The following ROBO2 variants were observed in gnomAD, a reference collection of about 807,000 sequenced individuals.
The protein encoded by ROBO2 is roundabout homolog 2.
ROBO2 carries 53 observed loss-of-function variants against 160.8 expected under a neutral mutation model. The ratio of observed to expected loss-of-function variants is 0.33; its 90% confidence interval spans 0.26 to 0.41. The LOEUF is 0.41. ROBO2 is among the 10% of genes least tolerant of loss of function. ROBO2 has a pLI of 1.00. For missense variants in ROBO2, 1,577 were observed against 1,722.4 expected, an observed-to-expected ratio of 0.92 and a Z score of 1.49; for synonymous variants, 664 against 611.7, an observed-to-expected ratio of 1.09 and a Z score of -1.26.
intron 6 of ROBO2, among the ~76,000 whole-genome samples, chr3:77,536,533 G>T (rs560920000): frequency 1.3e-5 from 2 of 151,694 alleles, no homozygotes; most frequent in Admixed American, 1.3e-4. Context: ...CTTTTGCTTA[G>T]TATGTATTGT....
chr3:76,655,684 G>T (rs1575750906), intron 2 of ROBO2, among the ~76,000 whole-genome samples: 1 of 147,086 alleles, frequency 6.8e-6, no homozygotes, highest in Non-Finnish European at 1.5e-5. Flanking sequence ...AAAGAGAGGG[G>T]CAGGTAGGCA....
intron 2 of ROBO2, among the ~76,000 whole-genome samples, chr3:76,212,527 GT>G: frequency 6.6e-6 from 1 of 151,876 alleles, no homozygotes; most frequent in Non-Finnish European, 1.5e-5. Context: ...TAGATTTTTT[GT>G]TTTTTATCTT....
intron 2 of ROBO2, among the ~76,000 whole-genome samples, chr3:77,298,414 G>C (rs1184356558): frequency 6.6e-6 from 1 of 152,108 alleles, no homozygotes. Flanking sequence ...TGAGAAAATT[G>C]AAGTGAAATG....
chr3:77,286,160 G>A (rs2060579438), intron 2 of ROBO2, among the ~76,000 whole-genome samples: 2 of 151,580 alleles, frequency 1.3e-5, no homozygotes, highest in Admixed American at 6.6e-5. Context: ...ATTTCCATAA[G>A]TGAATCATGT....
intron 2 of ROBO2, among the ~76,000 whole-genome samples, chr3:76,452,344 T>G (rs944353477): frequency 2.6e-5 from 4 of 151,968 alleles, no homozygotes; most frequent in African/African-American, 9.6e-5. Flanking sequence ...CACACAACAG[T>G]CCCCAGAGTG....
intron 2 of ROBO2, among the ~76,000 whole-genome samples, chr3:76,241,133 T>G (rs1160562398): frequency 6.6e-6 from 1 of 152,210 alleles, no homozygotes; most frequent in Non-Finnish European, 1.5e-5. Flanking sequence ...GTAGCGTGGT[T>G]ATCTGTGATA....
chr3:76,455,559 C>G (rs893162918), intron 2 of ROBO2, among the ~76,000 whole-genome samples: 5 of 151,986 alleles, frequency 3.3e-5, no homozygotes, highest in African/African-American at 1.2e-4. Flanking sequence ...ATATATTTGC[C>G]TATAGATTTA....
intron 2 of ROBO2, among the ~76,000 whole-genome samples, chr3:76,626,779 G>A (rs1311177203): frequency 2.6e-5 from 4 of 151,702 alleles, no homozygotes; most frequent in African/African-American, 7.3e-5. Flanking sequence ...TGCAAGTTCC[G>A]CCTCCCGGGT....
intron 2 of ROBO2, among the ~76,000 whole-genome samples, chr3:76,745,236 A>C (rs1033490917): frequency 6.6e-6 from 1 of 152,166 alleles, no homozygotes; most frequent in Admixed American, 6.5e-5. Context: ...CAACGTAGAT[A>C]TTAAAAAAGT....
chr3:77,514,239 T>C (rs1283767918), intron 5 of ROBO2, among the ~76,000 whole-genome samples: 1 of 151,706 alleles, frequency 6.6e-6, no homozygotes, highest in African/African-American at 2.4e-5. Context: ...GAATGCTAAA[T>C]GCAATTAAAA....
At chr3:77,595,060 G>A (rs2094268248) in intron 17 of ROBO2, 82 bp from the exon 19 acceptor site, 1 of 1,107,254 alleles carries the variant, frequency 9.0e-7, no homozygotes, top group Admixed American at 1.7e-5. Flanking sequence ...TCTAAACTAA[G>A]GGCCAATATG....
intron 15 of ROBO2, among the ~76,000 whole-genome samples, chr3:77,578,234 A>G (rs535167629): frequency 3.4e-4 from 51 of 152,216 alleles, no homozygotes; most frequent in African/African-American, 1.2e-3. Flanking sequence ...CATTGCCATC[A>G]TTTGGTGTGT....
At chr3:77,309,887 A>C (rs2063398603) in intron 2 of ROBO2, among the ~76,000 whole-genome samples, 1 of 152,210 alleles carries the variant, frequency 6.6e-6, no homozygotes, top group African/African-American at 2.4e-5. Context: ...TAAGGCTTAA[A>C]ATAAATTAAT....
At chr3:77,152,038 C>T (rs2077588900) in intron 2 of ROBO2, among the ~76,000 whole-genome samples, 1 of 152,106 alleles carries the variant, frequency 6.6e-6, no homozygotes, top group African/African-American at 2.4e-5. Context: ...TTAACAATCT[C>T]CTGCTCTTTT....
chr3:76,951,025 G>A (rs534022080), intron 2 of ROBO2, among the ~76,000 whole-genome samples: 1 of 152,284 alleles, frequency 6.6e-6, no homozygotes, highest in South Asian at 2.1e-4. Context: ...CCTGCACCTG[G>A]CCCTCAGTGT....
rs186357673 is a variant in ROBO2 at position 77,009,870 on chromosome 3, T to G, written c.110-88144T>G. ...CAGAGGCAGGAGAATCACTTGAACC[T>G]GGGAGGTGGAGGTTGCAGTGAGCTG... On this transcript the variant is annotated intron_variant, in intron 2 of 26. Transcript: ENST00000487694. Among the ~76,000 whole-genome samples the G allele has an allele frequency of 5.4e-4, 76 of 140,512 alleles. 1 individual carries two copies. In the East Asian group the frequency reaches 0.014, roughly 26 times the overall value. 92.2% of individuals were successfully genotyped at this position (140,512 alleles called of 152,430 possible).
intron 2 of ROBO2, among the ~76,000 whole-genome samples, chr3:75,959,405 G>A (rs925275120): frequency 2.0e-5 from 3 of 151,748 alleles, no homozygotes; most frequent in Non-Finnish European, 4.4e-5. Context: ...GAGAAAGAAA[G>A]AATTTCTGGT....
chr3:76,504,487 C>T (rs1383914441), intron 2 of ROBO2, among the ~76,000 whole-genome samples: 2 of 144,748 alleles, frequency 1.4e-5, no homozygotes, highest in Non-Finnish European at 3.0e-5. Context: ...TATTCCTTCA[C>T]TAAATGTTCA....
chr3:76,009,225 C>T (rs75578164), intron 2 of ROBO2, among the ~76,000 whole-genome samples: 1 of 152,184 alleles, frequency 6.6e-6, no homozygotes, highest in East Asian at 1.9e-4. Flanking sequence ...GCCTCAGCCA[C>T]CCGAGTAGCT....
Sources: allele counts gnomAD v4.1 joint callset (sites outside exome capture counted in the v4.1 genomes callset), GRCh38; gene constraint gnomAD v4.1.1; transcripts MANE v1.5; gene names NCBI Gene and HGNC (gene_info 2026-07-23, HGNC 2026-07-21).